The following HTR7 variants were observed in gnomAD, a reference collection of about 807,000 sequenced individuals.
HTR7 encodes 5-HT-7.
A neutral mutation model predicts 34.0 loss-of-function variants in HTR7; 16 were observed. The ratio of observed to expected loss-of-function variants is 0.47; its 90% confidence interval spans 0.32 to 0.71. HTR7 has a LOEUF of 0.71. Ranked by LOEUF, HTR7 falls within the 30% of genes least tolerant of loss-of-function variation. The probability of loss-of-function intolerance (pLI) is 0.04; values close to 1 mark genes in which losing one functional copy is unlikely to be tolerated. For synonymous variants in HTR7, 265 were observed against 260.2 expected (o/e 1.02, Z -0.18); for missense variants, 504 against 625.5 (o/e 0.81, Z 2.07).
At chr10:90,843,981 C>T (rs577106623) in intron 1 of HTR7, among the ~76,000 whole-genome samples, 4 of 152,342 alleles carry the variant, frequency 2.6e-5, no homozygotes, top group Admixed American at 1.3e-4. Context: ...CACACCCACA[C>T]ATTTGCATAT....
At chr10:90,745,729 G>A (rs1844622668) in intron 2 of HTR7, among the ~76,000 whole-genome samples, 1 of 152,170 alleles carries the variant, frequency 6.6e-6, no homozygotes, top group Admixed American at 6.5e-5. Context: ...ATGGCCTGTT[G>A]GCCAAATACA....
At chr10:90,767,714 G>C (rs1845045698) in intron 1 of HTR7, among the ~76,000 whole-genome samples, 1 of 152,096 alleles carries the variant, frequency 6.6e-6, no homozygotes, top group Non-Finnish European at 1.5e-5. Context: ...CATTTAGCTG[G>C]TATTTGGTTG....
chr10:90,818,267 G>T (rs1310114037), intron 1 of HTR7, among the ~76,000 whole-genome samples: 2 of 152,228 alleles, frequency 1.3e-5, no homozygotes, highest in African/African-American at 4.8e-5. Context: ...TGATATAAAA[G>T]TGAGTTTGCA....
chr10:90,743,606 G>A lies in HTR7; in HGVS notation c.1380C>T (p.His460=), dbSNP rs748805138. The stretch of plus-strand genomic sequence containing the variant: ...CTTGCTACCCACCTGCTAACCAATT[G>A]TGATGGTCTGGAGATTGTAGCACCC... ...SVWVLQSPDH[H]NWLADKMLTT... Residue 460 remains histidine, a synonymous_variant, in exon 3 of 4, where the codon CAC becomes CAT. Coordinates refer to ENST00000336152, the MANE Select transcript of HTR7 (RefSeq NM_019859.4). The A allele has an allele frequency of 6.2e-7, 1 of 1,613,568 alleles. No individual in the cohort carries two copies. Among genetic ancestry groups the A allele is most frequent in the South Asian group, 1.1e-5 (1 of 91,070 alleles).
chr10:90,852,418 T>C (rs1211330212), intron 1 of HTR7, among the ~76,000 whole-genome samples: 1 of 152,012 alleles, frequency 6.6e-6, no homozygotes, highest in Non-Finnish European at 1.5e-5. Flanking sequence ...CTAAAATGAA[T>C]GACAATAATA....
intron 1 of HTR7, among the ~76,000 whole-genome samples, chr10:90,823,909 G>A (rs1397678030): frequency 6.6e-6 from 1 of 152,144 alleles, no homozygotes; most frequent in Non-Finnish European, 1.5e-5. Flanking sequence ...TTTGTCTTCT[G>A]CCATGATTTT....
intron 1 of HTR7, among the ~76,000 whole-genome samples, chr10:90,815,347 C>A (rs1323229185): frequency 6.6e-6 from 1 of 152,154 alleles, no homozygotes; most frequent in Non-Finnish European, 1.5e-5. Flanking sequence ...CTGCCTCAGC[C>A]TCCCAAAGTG....
chr10:90,857,466 C>G lies in HTR7; in HGVS notation c.206G>C (p.Gly69Ala). ...TWDAPPDNAS[G>A]CGEQINYGRV... ...GCCGTAGTTGATCTGTTCCCCACAG[C>G]CGGAGGCATTGTCCGGGGGCGCGTC... Residue 69 changes from glycine (G) to alanine (A), a missense_variant, in exon 1 of 4, where the codon GGC (glycine) becomes GCC (alanine). By Grantham distance (60) the Gly-to-Ala change is moderately conservative. Transcript: ENST00000336152. The surrounding 1 kb of genome is among the most constrained non-coding windows in gnomAD (Gnocchi z 6.5). 6.2e-7 allele frequency: 1 copy of G among 1,613,856 alleles called. No individual in the cohort carries two copies. The highest frequency in any genetic ancestry group is 8.5e-7 in the Non-Finnish European group (1 of 1,180,010).
At chr10:90,783,659 T>C (rs1390142829) in intron 1 of HTR7, among the ~76,000 whole-genome samples, 1 of 152,254 alleles carries the variant, frequency 6.6e-6, no homozygotes, top group Admixed American at 6.5e-5. Flanking sequence ...ATTTGATCCA[T>C]CCATAATGCT....
At chr10:90,762,309 CT>C (rs1341250623) in intron 1 of HTR7, among the ~76,000 whole-genome samples, 2 of 152,242 alleles carry the variant, frequency 1.3e-5, no homozygotes, top group African/African-American at 2.4e-5. Flanking sequence ...TATTTCTTGT[CT>C]TTTTGATAAC....
Position 90,857,817 on chromosome 10 carries a change from T to C in HTR7, c.-146A>G. On this transcript the variant is annotated 5_prime_UTR_variant, in exon 1 of 4. Transcript: ENST00000336152. This position sits in a 1 kb window ranked among gnomAD's most constrained non-coding sequence, Gnocchi z 6.5. Reference sequence around the variant, plus strand: ...GACCGCTGGGGGGCGCCTGGCTCTGTCTCGGAGCCCCGCACTCCCCGGACC... The same window carrying C: ...GACCGCTGGGGGGCGCCTGGCTCTGCCTCGGAGCCCCGCACTCCCCGGACC... The C allele has an allele frequency of 1.3e-6, 1 of 749,978 alleles. No individual in the cohort carries two copies. The highest frequency in any genetic ancestry group is 4.7e-5 in the South Asian group (1 of 21,144). The allele number at this position is 749,978 out of a possible 1,614,324, so 46.5% of individuals were successfully genotyped here.
At chr10:90,812,253 T>C (rs1845823520) in intron 1 of HTR7, among the ~76,000 whole-genome samples, 1 of 152,124 alleles carries the variant, frequency 6.6e-6, no homozygotes, top group African/African-American at 2.4e-5. Flanking sequence ...ATCCCTACTA[T>C]CTTCTGTCTA....
intron 1 of HTR7, among the ~76,000 whole-genome samples, chr10:90,834,672 T>A (rs1370531706): frequency 6.6e-6 from 1 of 152,028 alleles, no homozygotes; most frequent in African/African-American, 2.4e-5. Context: ...AGGCCATGGG[T>A]CTCTCATTGT....
intron 1 of HTR7, among the ~76,000 whole-genome samples, chr10:90,829,294 C>G (rs983657303): frequency 6.6e-6 from 1 of 152,116 alleles, no homozygotes; most frequent in Non-Finnish European, 1.5e-5. Context: ...TAGTATGATA[C>G]TGAATGGGGA....
intron 1 of HTR7, among the ~76,000 whole-genome samples, chr10:90,827,337 G>T (rs780324491): frequency 6.6e-6 from 1 of 152,152 alleles, no homozygotes; most frequent in Non-Finnish European, 1.5e-5. Flanking sequence ...CTAGAGCACA[G>T]GAATTTGAGA....
chr10:90,783,391 G>GT (rs1486534488), intron 1 of HTR7, among the ~76,000 whole-genome samples: 2 of 152,124 alleles, frequency 1.3e-5, no homozygotes, highest in Admixed American at 1.3e-4. Flanking sequence ...AAAGCCCTGT[G>GT]TTTATTTCCT....
intron 1 of HTR7, among the ~76,000 whole-genome samples, chr10:90,771,288 T>G (rs1845106013): frequency 6.6e-6 from 1 of 152,226 alleles, no homozygotes; most frequent in Admixed American, 6.5e-5. Flanking sequence ...TTGCTCACCC[T>G]TCACTTGTCC....
At chr10:90,770,308 A>T (rs1317885182) in intron 1 of HTR7, among the ~76,000 whole-genome samples, 1 of 152,168 alleles carries the variant, frequency 6.6e-6, no homozygotes, top group Non-Finnish European at 1.5e-5. Flanking sequence ...GCTACCTGCC[A>T]GCACTGGAGC....
chr10:90,779,449 G>A (rs1345523243), intron 1 of HTR7, among the ~76,000 whole-genome samples: 1 of 152,148 alleles, frequency 6.6e-6, no homozygotes, highest in African/African-American at 2.4e-5. Flanking sequence ...CTGACTCCCT[G>A]CCTCCACCTG....
Sources: gnomAD v4.1 joint callset for allele counts (sites outside exome capture counted in the v4.1 genomes callset) on GRCh38, gnomAD v4.1.1 for gene constraint, Gnocchi (gnomAD v3.1) non-coding constraint, MANE v1.5 for transcripts, NCBI Gene and HGNC (gene_info 2026-07-23, HGNC 2026-07-21) for gene names.